Variants in MAPDA observed in about 807,000 individuals in gnomAD.
The protein encoded by MAPDA is N6,N6-dimethyl-AMP deaminase.
At chr15:43,350,363 T>A in the MAPDA span, among the ~76,000 whole-genome samples, 1 of 151,408 alleles carries the variant, frequency 6.6e-6, no homozygotes, top group Admixed American at 6.6e-5. Flanking sequence ...CAGGCGTGAG[T>A]CACCATGCCC....
chr15:43,340,665 G>T, the MAPDA span, among the ~76,000 whole-genome samples: 1 of 152,152 alleles, frequency 6.6e-6, no homozygotes, highest in Non-Finnish European at 1.5e-5. Context: ...GATTACAGGT[G>T]TGAGCCACCG....
At chr15:43,334,633 T>TTATACATATATATATATATATA in the MAPDA span, among the ~76,000 whole-genome samples, 2 of 65,142 alleles carry the variant, frequency 3.1e-5, no homozygotes, top group Non-Finnish European at 9.3e-5. Flanking sequence ...CTCAAAAAAA[T>TTATACATATATATATATATATA]TATATATATA....
the MAPDA span, chr15:43,346,890 G>T: frequency 1.4e-6 from 1 of 730,092 alleles, no homozygotes; most frequent in South Asian, 1.7e-5. Context: ...TTATAAACAA[G>T]ATGTGCAAAT....
At chr15:43,334,546 T>C in the MAPDA span, among the ~76,000 whole-genome samples, 1 of 148,348 alleles carries the variant, frequency 6.7e-6, no homozygotes. Flanking sequence ...GAGAATCACT[T>C]GAACCCAGGA....
the MAPDA span, chr15:43,350,808 G>A: frequency 1.2e-5 from 9 of 723,582 alleles, no homozygotes; most frequent in African/African-American, 1.8e-5. Context: ...CGTAAGGAAA[G>A]GTCGACTTTG....
the MAPDA span, among the ~76,000 whole-genome samples, chr15:43,333,784 T>C: frequency 6.6e-6 from 1 of 152,230 alleles, no homozygotes; most frequent in African/African-American, 2.4e-5. Context: ...ACCTGTTAGG[T>C]TCCAAATACA....
At chr15:43,351,672 T>C in the MAPDA span, 1 of 1,360,870 alleles carries the variant, frequency 7.3e-7, no homozygotes, top group South Asian at 1.5e-5. Flanking sequence ...AATAGGAAAA[T>C]AGACTCTAAA....
the MAPDA span, among the ~76,000 whole-genome samples, chr15:43,345,130 G>T: frequency 6.6e-6 from 1 of 151,966 alleles, no homozygotes; most frequent in Non-Finnish European, 1.5e-5. Context: ...TGAGGCGGGC[G>T]GATCATGAGG....
chr15:43,344,122 TA>T, the MAPDA span, among the ~76,000 whole-genome samples: 2 of 152,130 alleles, frequency 1.3e-5, no homozygotes, highest in East Asian at 3.8e-4. Context: ...AAAACCTCTC[TA>T]AAGAGCAATA....
chr15:43,340,135 C>G, the MAPDA span: 1 of 768,314 alleles, frequency 1.3e-6, no homozygotes, highest in Middle Eastern at 2.7e-4. Flanking sequence ...TAATCTCTAC[C>G]ACGTGAGAAA....
chr15:43,345,755 G>T, the MAPDA span: 1 of 1,417,778 alleles, frequency 7.1e-7, no homozygotes, highest in South Asian at 1.2e-5. Flanking sequence ...CTAGTGAGAT[G>T]TATTACACGT....
the MAPDA span, among the ~76,000 whole-genome samples, chr15:43,336,345 T>G: frequency 4.6e-5 from 7 of 152,260 alleles, no homozygotes; most frequent in South Asian, 2.1e-4. Context: ...ATACCCAGCA[T>G]GTGATAGTCT....
the MAPDA span, among the ~76,000 whole-genome samples, chr15:43,349,805 A>T: frequency 1.3e-5 from 2 of 152,196 alleles, no homozygotes; most frequent in Non-Finnish European, 2.9e-5. Context: ...AATGGGCTAG[A>T]TTTGCTAAGG....
At chr15:43,331,366 A>G in the MAPDA span, among the ~76,000 whole-genome samples, 1 of 152,266 alleles carries the variant, frequency 6.6e-6, no homozygotes, top group African/African-American at 2.4e-5. Flanking sequence ...CAGAATAATC[A>G]TAAAGTTTCT....
the MAPDA span, among the ~76,000 whole-genome samples, chr15:43,344,123 A>G: frequency 6.6e-6 from 1 of 152,188 alleles, no homozygotes; most frequent in African/African-American, 2.4e-5. Context: ...AAACCTCTCT[A>G]AAGAGCAATA....
chr15:43,341,476 A>G, the MAPDA span, among the ~76,000 whole-genome samples: 3 of 152,226 alleles, frequency 2.0e-5, no homozygotes, highest in African/African-American at 7.2e-5. Flanking sequence ...GACATGGGGA[A>G]ATACTCGGAC....
At chr15:43,343,675 A>G in the MAPDA span, among the ~76,000 whole-genome samples, 1 of 152,102 alleles carries the variant, frequency 6.6e-6, no homozygotes, top group East Asian at 1.9e-4. Flanking sequence ...ATCTTGTGTT[A>G]GTTTGTATAT....
chr15:43,348,514 A>G, the MAPDA span, among the ~76,000 whole-genome samples: 2 of 152,210 alleles, frequency 1.3e-5, no homozygotes, highest in Non-Finnish European at 2.9e-5. Context: ...AACTTTTTAT[A>G]ATATATATGA....
At chr15:43,348,299 G>A in the MAPDA span, among the ~76,000 whole-genome samples, 1 of 152,058 alleles carries the variant, frequency 6.6e-6, no homozygotes, top group African/African-American at 2.4e-5. Context: ...TAGGTTTCAC[G>A]CTTATCTCTA....
Sources: allele counts gnomAD v4.1 joint callset (sites outside exome capture counted in the v4.1 genomes callset), GRCh38; gene constraint gnomAD v4.1.1; transcripts MANE v1.5; gene names NCBI Gene and HGNC (gene_info 2026-07-23, HGNC 2026-07-21).